Variants in SEMA3E observed in about 807,000 individuals in gnomAD.
SEMA3E encodes the protein semaphorin-3E.
A neutral mutation model predicts 93.6 loss-of-function variants in SEMA3E; 49 were observed. The ratio of observed to expected loss-of-function variants is 0.52; its 90% CI spans 0.42 to 0.66. The LOEUF is 0.66. Ranked by LOEUF, SEMA3E falls within the 30% of genes least tolerant of loss-of-function variation. The pLI, the probability that SEMA3E is intolerant of heterozygous loss-of-function variation, is 0.00. For synonymous variants in SEMA3E, 363 were observed against 330.7 expected (o/e 1.10, Z -1.06); for missense variants, 906 against 964.8 (o/e 0.94, Z 0.81).
chr7:83,630,905 T>C (rs1046864066), intron 1 of SEMA3E, among the ~76,000 whole-genome samples: 2 of 152,192 alleles, frequency 1.3e-5, no homozygotes, highest in African/African-American at 4.8e-5. Context: ...ATAAAGTCTT[T>C]TGTAAAATTA....
chr7:83,467,989 T>C (rs959341489), intron 3 of SEMA3E, among the ~76,000 whole-genome samples: 2 of 152,234 alleles, frequency 1.3e-5, no homozygotes, highest in African/African-American at 4.8e-5. Flanking sequence ...GCCATTCCAT[T>C]AAAAATAAAT....
intron 5 of SEMA3E, among the ~76,000 whole-genome samples, chr7:83,417,785 T>C (rs1386818967): frequency 6.6e-6 from 1 of 152,146 alleles, no homozygotes; most frequent in Admixed American, 6.6e-5. Context: ...GTTTGGTACT[T>C]TGTCTAATTA....
At chr7:83,515,825 C>T (rs912768596) in intron 1 of SEMA3E, among the ~76,000 whole-genome samples, 15 of 152,162 alleles carry the variant, frequency 9.9e-5, no homozygotes, top group South Asian at 2.1e-4. Context: ...GTCAGGAGTT[C>T]GAGACCAGCC....
intron 4 of SEMA3E, among the ~76,000 whole-genome samples, chr7:83,448,879 T>G (rs1292027106): frequency 6.6e-6 from 1 of 152,102 alleles, no homozygotes; most frequent in Non-Finnish European, 1.5e-5. Context: ...AAGCCTCAGA[T>G]TTTTCTTTGT....
chr7:83,398,435 T>A (rs1463977815), intron 11 of SEMA3E, among the ~76,000 whole-genome samples: 1 of 152,206 alleles, frequency 6.6e-6, no homozygotes, highest in African/African-American at 2.4e-5. Flanking sequence ...ATGCAACTTT[T>A]AAAAATTTTG....
chr7:83,489,854 C>G (rs1412387646), intron 2 of SEMA3E, among the ~76,000 whole-genome samples: 3 of 152,066 alleles, frequency 2.0e-5, no homozygotes, highest in Non-Finnish European at 4.4e-5. Flanking sequence ...GTGACAAGGG[C>G]CACCATGCAA....
intron 1 of SEMA3E, among the ~76,000 whole-genome samples, chr7:83,617,145 A>G (rs985695022): frequency 6.6e-6 from 1 of 152,094 alleles, no homozygotes; most frequent in African/African-American, 2.4e-5. Context: ...GTATTTTGGA[A>G]TAATTTAAAA....
intron 1 of SEMA3E, among the ~76,000 whole-genome samples, chr7:83,617,552 AT>A (rs1166283160): frequency 6.8e-6 from 1 of 146,576 alleles, no homozygotes; most frequent in Non-Finnish European, 1.5e-5. Flanking sequence ...GTAATATATA[AT>A]TTTATATAAA....
rs186182500 is a variant in SEMA3E at position 83,545,777 on chromosome 7, T to C, written c.116-55503A>G. Among the ~76,000 whole-genome samples the C allele has an allele frequency of 5.7e-3, 834 of 147,268 alleles. 25 individuals are homozygous for C. The highest frequency in any genetic ancestry group is 0.052 in the Admixed American group (759 of 14,470). ...TGTGTGTGTTTATGTGTGTATCCAG[T>C]AGAATGTGTGTATATATATACAAAT... On this transcript the variant is annotated intron_variant, in intron 1 of 16. Transcript: ENST00000643230.
chr7:83,520,097 G>C lies in SEMA3E; in HGVS notation c.116-29823C>G, dbSNP rs1476291858. ...CATTTGTCATTGGCCCTGCTAGGGTGGTATCTTCTTTCATGCAATTTTTGA... is the reference window on the plus strand; with the variant it reads ...CATTTGTCATTGGCCCTGCTAGGGTCGTATCTTCTTTCATGCAATTTTTGA... On this transcript the variant is annotated intron_variant, in intron 1 of 16. Transcript: ENST00000643230. Among the ~76,000 whole-genome samples the C allele has an allele frequency of 2.0e-5, 3 of 152,062 alleles. No homozygotes were observed. In the East Asian group the frequency reaches 5.8e-4, roughly 29 times the overall value.
At chr7:83,394,066 A>G (rs891295996) in intron 13 of SEMA3E, among the ~76,000 whole-genome samples, 1 of 152,210 alleles carries the variant, frequency 6.6e-6, no homozygotes, top group East Asian at 1.9e-4. Flanking sequence ...GGTCTGCAGT[A>G]TAACACTGTA....
intron 1 of SEMA3E, among the ~76,000 whole-genome samples, chr7:83,506,923 A>G (rs1790716236): frequency 6.6e-6 from 1 of 152,244 alleles, no homozygotes; most frequent in African/African-American, 2.4e-5. Context: ...ATTTATTAGT[A>G]GAGCAAGTTT....
At chr7:83,389,761 C>T (rs1296617509) in intron 14 of SEMA3E, among the ~76,000 whole-genome samples, 1 of 130,836 alleles carries the variant, frequency 7.6e-6, no homozygotes, top group Non-Finnish European at 1.6e-5. Flanking sequence ...TACATGTATA[C>T]ATATATACAC....
chr7:83,394,250 C>T, intron 13 of SEMA3E, 47 bp downstream of exon 13: 1 of 1,523,420 alleles, frequency 6.6e-7, no homozygotes, highest in Non-Finnish European at 8.8e-7. Flanking sequence ...TACCTTAGCT[C>T]ACATATAGAA....
intron 1 of SEMA3E, 131 bp from the exon 2 acceptor site, chr7:83,490,405 T>G: frequency 1.2e-6 from 1 of 854,234 alleles, no homozygotes; most frequent in Non-Finnish European, 1.8e-6. Flanking sequence ...ATACATATAC[T>G]GGCAAAGAAT....
intron 1 of SEMA3E, among the ~76,000 whole-genome samples, chr7:83,571,725 G>C (rs577193252): frequency 6.6e-6 from 1 of 152,220 alleles, no homozygotes; most frequent in Admixed American, 6.5e-5. Context: ...GCTAGCCAGA[G>C]GAATCAGGCA....
chr7:83,621,074 A>G (rs937285621), intron 1 of SEMA3E, among the ~76,000 whole-genome samples: 2 of 152,154 alleles, frequency 1.3e-5, no homozygotes, highest in Non-Finnish European at 2.9e-5. Context: ...TGCAGATGAC[A>G]TGATTCTATA....
chr7:83,442,955 C>T (rs968987798), intron 4 of SEMA3E, among the ~76,000 whole-genome samples: 21 of 152,030 alleles, frequency 1.4e-4, no homozygotes, highest in African/African-American at 3.9e-4. Context: ...TAGCTTGTGT[C>T]GATGAAGTAG....
chr7:83,556,493 G>T (rs1791891382), intron 1 of SEMA3E, among the ~76,000 whole-genome samples: 1 of 152,068 alleles, frequency 6.6e-6, no homozygotes, highest in African/African-American at 2.4e-5. Context: ...TGAGAAAATT[G>T]TGTTTAGAAA....
Sources: gnomAD v4.1 joint callset for allele counts (sites outside exome capture counted in the v4.1 genomes callset) on GRCh38, gnomAD v4.1.1 for gene constraint, MANE v1.5 for transcripts, NCBI Gene and HGNC (gene_info 2026-07-23, HGNC 2026-07-21) for gene names.